DCTN2: variants seen among roughly 807,000 people sequenced by gnomAD.
DCTN2 encodes the protein dynactin subunit 2, also known as 50 kDa dynein-associated polypeptide.
DCTN2 carries 18 observed loss-of-function variants against 55.4 expected under a neutral mutation model. The observed-to-expected ratio is 0.32, with a 90% CI of 0.22 to 0.48. DCTN2 has a LOEUF of 0.48. DCTN2 is among the 20% of genes least tolerant of loss of function. The pLI is 0.99. For synonymous variants in DCTN2, 168 were observed against 185.2 expected (o/e 0.91, Z 0.76); for missense variants, 390 against 491.0 (o/e 0.79, Z 1.94).
intron 2 of DCTN2, chr12:57,538,429 G>A (rs1880422999): frequency 1.4e-6 from 1 of 718,526 alleles, no homozygotes. Flanking sequence ...ATAGATGAAT[G>A]AAAGATTTAG....
Position 57,541,272 on chromosome 12 carries a change from G to C in DCTN2, c.105+4756C>G, listed in dbSNP as rs1441167444. On this transcript the variant is annotated intron_variant, in intron 2 of 13. Transcript: ENST00000548249. ...CCAGGGACTCACTGGAATTTAAAACGATTAGCTACAACAATAGCACAGTGG... is the reference window on the plus strand; with the variant it reads ...CCAGGGACTCACTGGAATTTAAAACCATTAGCTACAACAATAGCACAGTGG... 2.3e-5 allele frequency: 35 copies of C among 1,495,676 alleles called. No homozygotes were observed. The Admixed American group carries it at 4.1e-4, about 18-fold the overall frequency. The allele number at this position is 1,495,676 out of a possible 1,614,324, so 92.7% of individuals were successfully genotyped here.
intron 3 of DCTN2, 79 bp downstream of exon 3, chr12:57,535,670 C>G: frequency 1.3e-6 from 2 of 1,527,420 alleles, no homozygotes; most frequent in Non-Finnish European, 1.8e-6. Context: ...GCACAACTCA[C>G]TAAGACTTTA....
At chr12:57,534,135 G>A in intron 6 of DCTN2, 38 bp from the exon 7 acceptor site, 3 of 1,552,174 alleles carry the variant, frequency 1.9e-6, no homozygotes, top group Admixed American at 1.9e-5. Flanking sequence ...ATGACTGGAA[G>A]GAGAAGGGCC....
In DCTN2 at chr12:57,543,874, C is replaced by T. The variant is rs151049345; in HGVS notation, c.105+2154G>A. Reference sequence around the variant, plus strand: ...TATCCTCTCCTCATCAGCCACCCCACTAGATGCTACTAAAATAGGCTGTTC... The same window carrying T: ...TATCCTCTCCTCATCAGCCACCCCATTAGATGCTACTAAAATAGGCTGTTC... On this transcript the variant is annotated intron_variant, in intron 2 of 13. Transcript: ENST00000548249. 632 of 1,243,240 alleles carry T rather than the reference C, an allele frequency of 5.1e-4. 3 individuals are homozygous for T. The East Asian group carries it at 0.015, about 29-fold the overall frequency. The allele number at this position is 1,243,240 out of a possible 1,614,324, so 77.0% of individuals were successfully genotyped here.
rs1879572943 is a variant in DCTN2 at position 57,530,552 on chromosome 12, A to G, written c.*137T>C. On this transcript the variant is annotated 3_prime_UTR_variant, in exon 14 of 14. Transcript: ENST00000548249. ...ATCAGGGGAGGGGTATAAACCCCAC[A>G]TGCAAGAAGAACCCTTGCCCCCAGT... is the stretch of plus-strand genomic sequence containing the variant. 8.1e-6 allele frequency: 6 copies of G among 740,416 alleles called. No homozygotes were observed. In the East Asian group the frequency reaches 1.6e-4, roughly 19 times the overall value. The allele number at this position is 740,416 out of a possible 1,614,324, so 45.9% of individuals were successfully genotyped here.
At chr12:57,533,356 G>C in intron 7 of DCTN2, 53 bp from the exon 8 acceptor site, 1 of 1,530,198 alleles carries the variant, frequency 6.5e-7, no homozygotes, top group African/African-American at 1.4e-5. Context: ...CTGCTGCAAT[G>C]GGAGGAATAC....
chr12:57,534,959 C>T (rs555306990), intron 5 of DCTN2, 97 bp downstream of exon 5: 18 of 1,082,794 alleles, frequency 1.7e-5, no homozygotes, highest in African/African-American at 6.3e-5. Flanking sequence ...CGTGAGCCAC[C>T]GCACCCAGCC....
chr12:57,544,075 C>G, intron 2 of DCTN2: 1 of 434,540 alleles, frequency 2.3e-6, no homozygotes, highest in South Asian at 1.6e-5. Context: ...TGTATCACAG[C>G]GACAAAAGGA....
At position 57,532,618 on chromosome 12, in the gene DCTN2, A is replaced by G; in HGVS notation, c.878T>C (p.Ile293Thr). 6.2e-7 allele frequency: 1 copy of G among 1,613,902 alleles called. No individual in the cohort carries two copies. Among genetic ancestry groups the G allele is most frequent in the Non-Finnish European group, 8.5e-7 (1 of 1,179,874 alleles). The change falls in exon 11 of 14, where the codon ATT becomes ACT. Residue 293 changes from isoleucine (I) to threonine (T), a missense_variant. Coordinates refer to ENST00000548249, the MANE Select transcript of DCTN2 (RefSeq NM_001261413.2). Reference sequence around the variant, plus strand: ...TTCTACAGAGGCTTTATGCTTGGCAATCTCGTTCACCTTTCCCAGGACACT... The same window carrying G: ...TTCTACAGAGGCTTTATGCTTGGCAGTCTCGTTCACCTTTCCCAGGACACT... ...LQSVLGKVNE[I>T]AKHKASVEDA... is the part of the protein sequence containing the mutation.
intron 2 of DCTN2, among the ~76,000 whole-genome samples, chr12:57,545,457 G>A (rs1377092612): frequency 6.6e-6 from 1 of 152,092 alleles, no homozygotes; most frequent in Non-Finnish European, 1.5e-5. Context: ...CAGTTAAAAT[G>A]TATCCGTACC....
intron 1 of DCTN2, among the ~76,000 whole-genome samples, chr12:57,546,735 C>T (rs1466570956): frequency 6.6e-6 from 1 of 152,000 alleles, no homozygotes; most frequent in Admixed American, 6.6e-5. Context: ...ACATGGGAGG[C>T]GTTGACACGG....
intron 2 of DCTN2, chr12:57,540,108 G>C: frequency 1.0e-6 from 1 of 985,324 alleles, no homozygotes; most frequent in Non-Finnish European, 1.2e-6. Flanking sequence ...AGATCCTGTG[G>C]TCGAGGCTGG....
chr12:57,537,818 C>G (rs979860741), intron 2 of DCTN2, among the ~76,000 whole-genome samples: 2 of 152,130 alleles, frequency 1.3e-5, no homozygotes, highest in Admixed American at 6.5e-5. Flanking sequence ...AATGTTACGG[C>G]CAGAACACCC....
chr12:57,533,974 G>C lies in DCTN2; in HGVS notation c.648C>G (p.Asp216Glu), dbSNP rs762666000. 4.3e-6 allele frequency: 7 copies of C among 1,612,508 alleles called. No individual in the cohort carries two copies. The Admixed American group carries it at 8.4e-5, about 19-fold the overall frequency. Residue 216 changes from aspartate (D) to glutamate (E), a missense_variant, in exon 7 of 14, where the codon GAC (aspartate) becomes GAG (glutamate). Asp to Glu is a conservative substitution (Grantham distance 45, BLOSUM62 2). Around this residue, in one of 2 missense-constraint regions of DCTN2, gnomAD observed 273 missense variants for 303.2 expected, o/e 0.90. Coordinates refer to ENST00000548249, the MANE Select transcript of DCTN2 (RefSeq NM_001261413.2). ...TTACTTTGGCAGCTTGAGAGAACTT[G>C]TCCTGCTCAGGCCGAGAATGTAGTT... ...TYELHSRPEQ[D>E]KFSQAAKVAE...
At position 57,532,573 on chromosome 12, in the gene DCTN2, T is replaced by C. The variant is rs991504387; in HGVS notation, c.923A>G (p.Lys308Arg). The change falls in exon 11 of 14, where the codon AAG becomes AGG. Residue 308 changes from lysine (K) to arginine (R), a missense_variant and splice_region_variant. By Grantham distance (26) the Lys-to-Arg change is conservative. Around this residue, in one of 2 missense-constraint regions of DCTN2, gnomAD observed 273 missense variants for 303.2 expected, o/e 0.90. Transcript: ENST00000548249. ...ASVEDADTQS[K>R]VHQLYETIQR... ...AGATGGGGAAGGTGTCTTCCTGACC[T>C]TGCTTTGTGTATCTGCATCTTCTAC... is the stretch of plus-strand genomic sequence containing the variant. 1 of 1,613,852 alleles carries C rather than the reference T, an allele frequency of 6.2e-7. No homozygotes were observed. Among genetic ancestry groups the C allele is most frequent in the African/African-American group, 1.3e-5 (1 of 74,920 alleles).
chr12:57,538,425 G>T (rs927053005), intron 2 of DCTN2: 1 of 714,412 alleles, frequency 1.4e-6, no homozygotes, highest in East Asian at 2.6e-5. Flanking sequence ...CTGAATAGAT[G>T]AATGAAAGAT....
At chr12:57,531,992 C>T in intron 13 of DCTN2, 23 bp downstream of exon 13, 1 of 1,554,500 alleles carries the variant, frequency 6.4e-7, no homozygotes, top group Non-Finnish European at 8.7e-7. Context: ...GAAAGGAGGA[C>T]AGATCAACAA....
chr12:57,547,090 C>T lies in DCTN2; in HGVS notation c.-27G>A. The T allele has an allele frequency of 1.6e-6, 2 of 1,260,524 alleles. No homozygotes were observed. Among genetic ancestry groups the T allele is most frequent in the Non-Finnish European group, 2.0e-6 (2 of 994,814 alleles). 78.1% of individuals were successfully genotyped at this position (1,260,524 alleles called of 1,614,324 possible). A position where few individuals can be genotyped will look rare whatever the true frequency, so the allele number is the denominator to read the frequency against. On this transcript the variant is annotated 5_prime_UTR_variant, in exon 1 of 14. Transcript: ENST00000548249. The stretch of plus-strand genomic sequence containing the variant: ...GCGGCGGCGAGACGGGCTGGGGGAC[C>T]CGGGCCTCGGTGGAGCCGGGGCCGG...
At chr12:57,539,141 T>C (rs1165383740) in intron 2 of DCTN2, among the ~76,000 whole-genome samples, 1 of 152,210 alleles carries the variant, frequency 6.6e-6, no homozygotes, top group African/African-American at 2.4e-5. Context: ...AAACAAAATA[T>C]GTCAGGTACA....
Sources: allele counts gnomAD v4.1 joint callset (sites outside exome capture counted in the v4.1 genomes callset), GRCh38; gene constraint gnomAD v4.1.1; regional missense constraint gnomAD v4.1.1; transcripts MANE v1.5; gene names NCBI Gene and HGNC (gene_info 2026-07-23, HGNC 2026-07-21).